The following CALD1 variants were observed in gnomAD, a reference collection of about 807,000 sequenced individuals.
CALD1 encodes caldesmon.
In CALD1, 33 loss-of-function variants were observed where a neutral mutation model predicts 99.9. The ratio of observed to expected loss-of-function variants is 0.33; its 90% CI spans 0.25 to 0.44. The LOEUF (loss-of-function observed/expected upper bound fraction) is 0.44, where lower values mean the gene tolerates loss of function less well. Among genes scored for constraint, CALD1 ranks in the 20% least tolerant of loss-of-function variants. CALD1 has a pLI of 1.00. For missense variants in CALD1, 861 were observed against 962.1 expected (o/e 0.89, Z 1.39); for synonymous variants, 310 against 325.0 (o/e 0.95, Z 0.50).
chr7:134,912,951 G>T (rs537705054), intron 3 of CALD1, among the ~76,000 whole-genome samples: 24 of 152,192 alleles, frequency 1.6e-4, no homozygotes, highest in Non-Finnish European at 3.1e-4. Context: ...GTGTTTCTTT[G>T]TATATCTTTG....
intron 6 of CALD1, among the ~76,000 whole-genome samples, 175 bp downstream of exon 6, chr7:134,935,940 A>C (rs918560538): frequency 6.6e-6 from 1 of 152,222 alleles, no homozygotes; most frequent in African/African-American, 2.4e-5. Context: ...AATTAATTAA[A>C]TGTATCAGTC....
intron 9 of CALD1, among the ~76,000 whole-genome samples, chr7:134,956,959 T>C (rs1807820272): frequency 6.6e-6 from 1 of 152,146 alleles, no homozygotes; most frequent in Non-Finnish European, 1.5e-5. Context: ...TAATGTTTGA[T>C]TTAGCAGCTT....
intron 9 of CALD1, among the ~76,000 whole-genome samples, chr7:134,952,691 G>A (rs146473568): frequency 1.3e-5 from 2 of 152,016 alleles, no homozygotes; most frequent in African/African-American, 4.8e-5. Flanking sequence ...GGCTGGTCTC[G>A]AACTCCTCAC....
the CALD1 span, among the ~76,000 whole-genome samples, chr7:134,713,629 T>TC: frequency 1.3e-5 from 2 of 151,970 alleles, no homozygotes; most frequent in Admixed American, 1.3e-4. Flanking sequence ...TAGGAAATTC[T>TC]CCCCCCTCAA....
At chr7:134,926,628 C>T (rs560292247) in intron 3 of CALD1, among the ~76,000 whole-genome samples, 41 of 152,180 alleles carry the variant, frequency 2.7e-4, no homozygotes, top group African/African-American at 9.9e-4. Context: ...AAAGATGACA[C>T]AGATGAAATA....
chr7:134,761,107 G>A (rs1455795535), intron 1 of CALD1, among the ~76,000 whole-genome samples: 2 of 152,168 alleles, frequency 1.3e-5, no homozygotes, highest in Non-Finnish European at 2.9e-5. Flanking sequence ...ACCAGTCAGA[G>A]ATAAATCATT....
chr7:134,733,805 T>A, the CALD1 span, among the ~76,000 whole-genome samples: 14 of 89,120 alleles, frequency 1.6e-4, no homozygotes, highest in Admixed American at 1.8e-3. Flanking sequence ...CGAGACTCTG[T>A]CTCAAAAAAA....
intron 6 of CALD1, among the ~76,000 whole-genome samples, chr7:134,938,961 G>C (rs1806212517): frequency 6.6e-6 from 1 of 152,174 alleles, no homozygotes; most frequent in Admixed American, 6.5e-5. Flanking sequence ...ATGAGTTAAA[G>C]GGAATGTCTC....
chr7:134,874,022 G>A (rs895261952), intron 3 of CALD1, among the ~76,000 whole-genome samples: 76 of 152,214 alleles, frequency 5.0e-4, no homozygotes, highest in Non-Finnish European at 1.8e-4. Flanking sequence ...GCAGGAATGC[G>A]TGACTGACTG....
chr7:134,906,014 C>T (rs1228978148), intron 3 of CALD1, among the ~76,000 whole-genome samples: 1 of 147,936 alleles, frequency 6.8e-6, no homozygotes, highest in Non-Finnish European at 1.5e-5. Flanking sequence ...ACTGCAACCT[C>T]CTTTTCCTGG....
intron 1 of CALD1, among the ~76,000 whole-genome samples, chr7:134,764,781 T>C (rs908466098): frequency 6.6e-6 from 1 of 151,886 alleles, no homozygotes; most frequent in African/African-American, 2.4e-5. Flanking sequence ...AGTGGGCAAA[T>C]GTGAAGCGGG....
intron 5 of CALD1, among the ~76,000 whole-genome samples, chr7:134,935,092 G>A (rs1805856286): frequency 6.6e-6 from 1 of 152,126 alleles, no homozygotes; most frequent in African/African-American, 2.4e-5. Context: ...GTAATTAAGA[G>A]CATACATGCT....
chr7:134,842,222 T>G (rs753954557), intron 1 of CALD1, among the ~76,000 whole-genome samples: 1 of 152,160 alleles, frequency 6.6e-6, no homozygotes, highest in South Asian at 2.1e-4. Flanking sequence ...GCATGGTGGG[T>G]CAGGCCCTGG....
intron 2 of CALD1, among the ~76,000 whole-genome samples, chr7:134,865,287 A>G (rs984944214): frequency 6.6e-6 from 1 of 152,184 alleles, no homozygotes; most frequent in Non-Finnish European, 1.5e-5. Flanking sequence ...GAGGATCTCC[A>G]GCCCCATCCT....
intron 1 of CALD1, among the ~76,000 whole-genome samples, chr7:134,839,142 T>C (rs1799554608): frequency 2.0e-5 from 3 of 152,214 alleles, no homozygotes; most frequent in Admixed American, 2.0e-4. Flanking sequence ...TAACATGAAG[T>C]ATTAATTTTG....
chr7:134,860,231 G>A (rs1800504304), intron 2 of CALD1, among the ~76,000 whole-genome samples: 1 of 152,168 alleles, frequency 6.6e-6, no homozygotes, highest in East Asian at 1.9e-4. Flanking sequence ...TTGAGCTAAA[G>A]TTAAGTGCAA....
chr7:134,958,156 T>C (rs561694818), intron 10 of CALD1, 44 bp downstream of exon 10: 3 of 1,599,548 alleles, frequency 1.9e-6, no homozygotes, highest in Non-Finnish European at 2.6e-6. Flanking sequence ...AGCTAGCATA[T>C]GTATGAGAAG....
chr7:134,960,544 C>T lies in CALD1; in HGVS notation c.2211C>T (p.Gly737=), dbSNP rs753220564. Residue 737 remains glycine (G), a synonymous_variant, in exon 13 of 15, where the codon GGC becomes GGT. Coordinates refer to ENST00000361675, the MANE Select transcript of CALD1 (RefSeq NM_033138.4). Reference sequence around the variant, plus strand: ...TTGCCCCTTTGTAGGAAACTGCTGGCTTGAAGGTAGGGGTTTCTAGCCGCA... The same window carrying T: ...TTGCCCCTTTGTAGGAAACTGCTGGTTTGAAGGTAGGGGTTTCTAGCCGCA... ...AAGTPNKETA[G]LKVGVSSRIN... 1 of 1,611,050 alleles carries T rather than the reference C, an allele frequency of 6.2e-7. No homozygotes were observed. Among genetic ancestry groups the T allele is most frequent in the Admixed American group, 1.7e-5 (1 of 59,984 alleles).
the CALD1 span, among the ~76,000 whole-genome samples, chr7:134,726,024 A>C: frequency 6.6e-6 from 1 of 152,328 alleles, no homozygotes; most frequent in East Asian, 1.9e-4. Flanking sequence ...TAAGCTACTA[A>C]ATTTGGGTAA....
Sources: allele counts gnomAD v4.1 joint callset (sites outside exome capture counted in the v4.1 genomes callset), GRCh38; gene constraint gnomAD v4.1.1; transcripts MANE v1.5; gene names NCBI Gene and HGNC (gene_info 2026-07-23, HGNC 2026-07-21).